The following SOD2 variants were observed in gnomAD, a reference collection of about 807,000 sequenced individuals.
SOD2 encodes superoxide dismutase 2, also known as superoxide dismutase [Mn], mitochondrial.
Under a neutral mutation model 27.0 loss-of-function variants are expected in SOD2, and 11 were observed. The observed-to-expected ratio is 0.41, with a 90% CI of 0.26 to 0.67. SOD2 has a LOEUF of 0.67. SOD2 is among the 30% of genes least tolerant of loss of function. SOD2 has a pLI of 0.34. For synonymous variants in SOD2, 105 were observed against 103.0 expected (o/e 1.02, Z -0.12); for missense variants, 250 against 274.5 (o/e 0.91, Z 0.63).
At chr6:159,713,816 A>C in intron 1 of SOD2, 3 of 1,075,162 alleles carry the variant, frequency 2.8e-6, no homozygotes, top group Non-Finnish European at 4.3e-6. Context: ...TTCAAGTTCA[A>C]CAAATGCTTC....
chr6:159,693,078 G>A, intron 1 of SOD2, 67 bp downstream of exon 1: 1 of 1,508,192 alleles, frequency 6.6e-7, no homozygotes, highest in Non-Finnish European at 8.8e-7. Flanking sequence ...CGCCATTGCC[G>A]CGGAGGCCCT....
chr6:159,685,820 T>G (rs979362295), intron 3 of SOD2, among the ~76,000 whole-genome samples: 3 of 152,198 alleles, frequency 2.0e-5, no homozygotes, highest in Admixed American at 6.5e-5. Flanking sequence ...CTTAGGATAA[T>G]GGCCTCCAGC....
chr6:159,747,247 G>A (rs987719444), upstream of SOD2, among the ~76,000 whole-genome samples: 90 of 152,216 alleles, frequency 5.9e-4, no homozygotes, highest in African/African-American at 1.8e-3. Context: ...TAGTGTGCTA[G>A]TAAATAGCAC....
intron 1 of SOD2, among the ~76,000 whole-genome samples, chr6:159,701,569 CAAAAAAA>C (rs752905908): frequency 0.13 from 10,304 of 78,036 alleles, 444 homozygotes; most frequent in Middle Eastern, 0.2. Context: ...GACCCTGTTT[CAAAAAAA>C]AAAAAAAAAA....
intron 1 of SOD2, among the ~76,000 whole-genome samples, chr6:159,706,922 C>G (rs567366686): frequency 4.0e-4 from 61 of 152,300 alleles, no homozygotes; most frequent in African/African-American, 1.4e-3. Context: ...AACTGTCTCT[C>G]AAACCACAGT....
Position 159,678,553 on chromosome 6 carries a change from A to G in SOD2, c.*3940T>C, listed in dbSNP as rs1779827968. 1 of 152,348 alleles carries G rather than the reference A, an allele frequency of 6.6e-6. No homozygotes were observed. 9.4% of individuals were successfully genotyped at this position (152,348 alleles called of 1,614,324 possible). Reference sequence around the variant, plus strand: ...AAATAAAAAAATAAATAAATGAAATATCCTTTACAATAAATTAGTATTGTA... The same window carrying G: ...AAATAAAAAAATAAATAAATGAAATGTCCTTTACAATAAATTAGTATTGTA... On this transcript the variant is annotated 3_prime_UTR_variant, in exon 5 of 5. Transcript: ENST00000538183.
chr6:159,712,419 AACCACCTC>A (rs1777828141), intron 1 of SOD2, among the ~76,000 whole-genome samples: 1 of 81,640 alleles, frequency 1.2e-5, no homozygotes, highest in Admixed American at 1.2e-4. Flanking sequence ...TGATCACCAT[AACCACCTC>A]CATAACCACC....
At chr6:159,744,493 T>TGTCTC (rs1196273814) in intron 1 of SOD2, among the ~76,000 whole-genome samples, 6 of 150,680 alleles carry the variant, frequency 4.0e-5, no homozygotes, top group African/African-American at 1.5e-4. Flanking sequence ...AGTATTCTGG[T>TGTCTC]CATTGGAGAC....
intron 1 of SOD2, among the ~76,000 whole-genome samples, chr6:159,702,676 A>AG (rs1300457120): frequency 2.5e-4 from 36 of 143,132 alleles, no homozygotes; most frequent in African/African-American, 9.1e-4. Context: ...AAAAAAAAAA[A>AG]AAAGAAAGAA....
chr6:159,687,438 T>C lies in SOD2; in HGVS notation c.343+688A>G, dbSNP rs5746115. Among the ~76,000 whole-genome samples, 1,147 of 151,836 alleles carry C rather than the reference T, an allele frequency of 7.6e-3. 15 individuals carry two copies. The highest frequency in any genetic ancestry group is 0.026 in the African/African-American group (1,057 of 41,364). ...AGGCGGAGGTTGCAATGAGCCGACA[T>C]TGCACCACTGCGCTCCAGCCTGGGC... is the stretch of plus-strand genomic sequence containing the variant. On this transcript the variant is annotated intron_variant, in intron 3 of 4. Transcript: ENST00000538183.
At chr6:159,724,510 GTT>G (rs1309323335) in intron 1 of SOD2, among the ~76,000 whole-genome samples, 1 of 152,150 alleles carries the variant, frequency 6.6e-6, no homozygotes, top group Non-Finnish European at 1.5e-5. Context: ...AACAACACTG[GTT>G]TGGACTGCCA....
chr6:159,724,919 G>A (rs1297372655), intron 1 of SOD2, among the ~76,000 whole-genome samples: 1 of 146,346 alleles, frequency 6.8e-6, no homozygotes, highest in Non-Finnish European at 1.5e-5. Flanking sequence ...AGGGAGGGAG[G>A]GAAGAAGGGA....
chr6:159,690,798 A>C lies in SOD2; in HGVS notation c.226+1863T>G, dbSNP rs376441313. On this transcript the variant is annotated intron_variant, in intron 2 of 4. Coordinates refer to ENST00000538183, the MANE Select transcript of SOD2 (RefSeq NM_000636.4). ...TTAACATCTTACAGTTTGCTTACTC[A>C]TTTTAAAATTAATAAAAATTGAGGG... The C allele has an allele frequency of 9.2e-5, 14 of 152,288 alleles. No homozygotes were observed. In the East Asian group the frequency reaches 1.9e-3, roughly 21 times the overall value. 9.4% of individuals were successfully genotyped at this position (152,288 alleles called of 1,614,324 possible). A position where few individuals can be genotyped will look rare whatever the true frequency, so the allele number is the denominator to read the frequency against.
chr6:159,732,386 G>C (rs1305411705), intron 1 of SOD2, among the ~76,000 whole-genome samples: 1 of 152,128 alleles, frequency 6.6e-6, no homozygotes, highest in African/African-American at 2.4e-5. Flanking sequence ...TTTTCAAACT[G>C]TCATTCACAG....
intron 1 of SOD2, among the ~76,000 whole-genome samples, chr6:159,723,250 C>T (rs528210445): frequency 3.3e-5 from 5 of 152,292 alleles, no homozygotes; most frequent in African/African-American, 4.8e-5. Context: ...TTTTGACAAA[C>T]GTATACATTC....
chr6:159,745,448 T>C (rs576178817), upstream of SOD2, among the ~76,000 whole-genome samples: 7 of 152,284 alleles, frequency 4.6e-5, no homozygotes, highest in South Asian at 1.5e-3. Flanking sequence ...TTTTTTTTTT[T>C]TTTAAAACAG....
At chr6:159,750,324 A>G (rs180719657) in intron 1 of SOD2, among the ~76,000 whole-genome samples, 10 of 152,318 alleles carry the variant, frequency 6.6e-5, no homozygotes, top group Non-Finnish European at 1.2e-4. Context: ...TTTCTTTGAC[A>G]CTTAGATAAC....
chr6:159,742,937 A>G (rs1406445053), intron 1 of SOD2, among the ~76,000 whole-genome samples: 4 of 152,280 alleles, frequency 2.6e-5, no homozygotes, highest in South Asian at 4.1e-4. Context: ...CGGGAGGTCA[A>G]GGCTGCTGCA....
chr6:159,677,340 C>T lies in SOD2; in HGVS notation c.*5153G>A, dbSNP rs779918705. ...ACGTGTCCCAGAAGCATCTTGACAA[C>T]AGAAGCACTCTCATTACTGTAAAGC... On this transcript the variant is annotated 3_prime_UTR_variant, in exon 5 of 5. Coordinates refer to ENST00000538183, the MANE Select transcript of SOD2 (RefSeq NM_000636.4). The T allele has an allele frequency of 2.4e-4, 37 of 152,238 alleles. No homozygotes were observed. Among genetic ancestry groups the T allele is most frequent in the African/African-American group, 8.9e-4 (37 of 41,542 alleles). The allele number at this position is 152,238 out of a possible 1,614,324, so 9.4% of individuals were successfully genotyped here. A position where few individuals can be genotyped will look rare whatever the true frequency, so the allele number is the denominator to read the frequency against.
Sources: allele counts gnomAD v4.1 joint callset (sites outside exome capture counted in the v4.1 genomes callset), GRCh38; gene constraint gnomAD v4.1.1; transcripts MANE v1.5; gene names NCBI Gene and HGNC (gene_info 2026-07-23, HGNC 2026-07-21).